MAP2K1: variants seen among roughly 807,000 people sequenced by gnomAD.
The protein encoded by MAP2K1 is dual specificity mitogen-activated protein kinase kinase 1.
A neutral mutation model predicts 46.3 loss-of-function variants in MAP2K1; 16 were observed. That is an observed-to-expected ratio of 0.35 (90% CI 0.23 to 0.52). The LOEUF is 0.52. Among genes scored for constraint, MAP2K1 ranks in the 20% least tolerant of loss-of-function variants. The probability of loss-of-function intolerance (pLI) is 0.94; values close to 1 mark genes in which losing one functional copy is unlikely to be tolerated. For missense variants in MAP2K1, 263 were observed against 497.1 expected, an observed-to-expected ratio of 0.53 and a Z score of 4.48; for synonymous variants, 183 against 185.6, an observed-to-expected ratio of 0.99 and a Z score of 0.11.
chr15:66,477,537 T>C (rs1397457248), intron 5 of MAP2K1, among the ~76,000 whole-genome samples: 1 of 152,230 alleles, frequency 6.6e-6, no homozygotes, highest in Non-Finnish European at 1.5e-5. Context: ...GCCGCCATTG[T>C]GACTGTTTCA....
intron 1 of MAP2K1, among the ~76,000 whole-genome samples, chr15:66,431,683 C>G (rs1368096938): frequency 1.3e-5 from 2 of 152,022 alleles, no homozygotes; most frequent in Non-Finnish European, 2.9e-5. Flanking sequence ...AAGAGAAATT[C>G]TTATTTTTTT....
In MAP2K1 at chr15:66,445,826, A is replaced by G. The variant is rs186542950; in HGVS notation, c.568+1119A>G. On this transcript the variant is annotated intron_variant, in intron 5 of 10. Transcript: ENST00000307102. ...GCCTTGAGGGGTCTAGGGAGAGATTAAAGGAGCATGAAGGAACTTTTTGGG... is the reference window on the plus strand; with the variant it reads ...GCCTTGAGGGGTCTAGGGAGAGATTGAAGGAGCATGAAGGAACTTTTTGGG... Among the ~76,000 whole-genome samples, 202 of 152,268 alleles carry G rather than the reference A, an allele frequency of 1.3e-3. 1 individual carries two copies. The highest frequency in any genetic ancestry group is 4.5e-3 in the African/African-American group (188 of 41,552).
chr15:66,489,679 G>C (rs372671912), intron 9 of MAP2K1, 39 bp from the exon 10 acceptor site: 1 of 1,531,216 alleles, frequency 6.5e-7, no homozygotes, highest in Admixed American at 1.7e-5. Context: ...TAGAACCAGT[G>C]CCAGGCAACA....
chr15:66,477,476 T>C (rs1177562687), intron 5 of MAP2K1, among the ~76,000 whole-genome samples: 1 of 152,198 alleles, frequency 6.6e-6, no homozygotes, highest in Admixed American at 6.5e-5. Flanking sequence ...GCTGCTTATA[T>C]GCCATGCCTT....
chr15:66,417,454 C>A (rs1185994171), intron 1 of MAP2K1, among the ~76,000 whole-genome samples: 1 of 152,022 alleles, frequency 6.6e-6, no homozygotes, highest in Admixed American at 6.6e-5. Flanking sequence ...TGCCTGTAGT[C>A]CAGTTACTTG....
intron 5 of MAP2K1, among the ~76,000 whole-genome samples, chr15:66,460,061 A>G (rs772699697): frequency 3.9e-5 from 6 of 152,176 alleles, no homozygotes; most frequent in Non-Finnish European, 8.8e-5. Context: ...TGGTATATAC[A>G]CAAGGTGCTC....
intron 5 of MAP2K1, chr15:66,453,419 G>A: frequency 1.4e-6 from 1 of 698,218 alleles, no homozygotes; most frequent in Non-Finnish European, 2.6e-6. Context: ...GGGCTGGCCT[G>A]GCTGCTCAGC....
At chr15:66,413,145 C>G (rs1209190043) in intron 1 of MAP2K1, among the ~76,000 whole-genome samples, 1 of 152,154 alleles carries the variant, frequency 6.6e-6, no homozygotes, top group Non-Finnish European at 1.5e-5. Context: ...ATCCACCTGC[C>G]TCGGCCTCCC....
At chr15:66,429,920 A>G (rs1363143891) in intron 1 of MAP2K1, among the ~76,000 whole-genome samples, 1 of 151,956 alleles carries the variant, frequency 6.6e-6, no homozygotes, top group African/African-American at 2.4e-5. Context: ...CTCAACTTGA[A>G]CACGCCCCCG....
intron 5 of MAP2K1, among the ~76,000 whole-genome samples, chr15:66,458,080 C>G (rs1436975021): frequency 6.6e-6 from 1 of 152,100 alleles, no homozygotes; most frequent in Non-Finnish European, 1.5e-5. Context: ...TTTTCCTGAT[C>G]CTGGAGCTCT....
chr15:66,447,623 G>A (rs1595867477), intron 5 of MAP2K1, among the ~76,000 whole-genome samples: 3 of 151,200 alleles, frequency 2.0e-5, no homozygotes, highest in East Asian at 1.9e-4. Context: ...CCTGGGGGGC[G>A]GAGGTTGCAG....
chr15:66,395,529 GT>G lies in MAP2K1; in HGVS notation c.80+8113del, dbSNP rs1030544369. Among the ~76,000 whole-genome samples, 400 of 140,586 alleles carry G rather than the reference GT, an allele frequency of 2.8e-3. 1 individual carries two copies. Among genetic ancestry groups the G allele is most frequent in the African/African-American group, 7.3e-3 (281 of 38,408 alleles). The allele number at this position is 140,586 out of a possible 152,430, so 92.2% of individuals were successfully genotyped here. A position where few individuals can be genotyped will look rare whatever the true frequency, so the allele number is the denominator to read the frequency against. The stretch of plus-strand genomic sequence containing the variant: ...ACATCTGTCTGGTCTTGCTGACATG[GT>G]TTTTTTTTTTGTCTGAAATGCCCTC... On this transcript the variant is annotated intron_variant, in intron 1 of 10. Transcript: ENST00000307102.
intron 2 of MAP2K1, 23 bp downstream of exon 2, chr15:66,435,260 G>A (rs1311211048): frequency 4.4e-6 from 7 of 1,588,244 alleles, no homozygotes; most frequent in Non-Finnish European, 6.1e-6. Context: ...TGATTAACAG[G>A]TAATTGGATT....
rs1409034916 is a variant in MAP2K1 at position 66,490,775 on chromosome 15, A to G, written c.*160A>G. 4.3e-6 allele frequency: 3 copies of G among 704,184 alleles called. No individual in the cohort carries two copies. In the East Asian group the frequency reaches 8.1e-5, roughly 19 times the overall value. The allele number at this position is 704,184 out of a possible 1,614,324, so 43.6% of individuals were successfully genotyped here. ...CAAGATTCTACTCTTGTCATTTTTA[A>G]TATTACTGTCTTTATTCTTATTACT... On this transcript the variant is annotated 3_prime_UTR_variant, in exon 11 of 11. Coordinates refer to ENST00000307102, the MANE Select transcript of MAP2K1 (RefSeq NM_002755.4).
intron 5 of MAP2K1, among the ~76,000 whole-genome samples, chr15:66,476,536 G>A (rs1892758714): frequency 6.6e-6 from 1 of 152,216 alleles, no homozygotes; most frequent in Non-Finnish European, 1.5e-5. Context: ...CACAAGAGAA[G>A]GCGAGACTCT....
intron 3 of MAP2K1, among the ~76,000 whole-genome samples, chr15:66,440,587 T>G (rs2093501093): frequency 1.3e-5 from 2 of 152,222 alleles, no homozygotes; most frequent in Admixed American, 1.3e-4. Flanking sequence ...GGAAGTAGAT[T>G]GCTGCTCAGG....
At chr15:66,443,082 ATTTTTTT>A (rs398027713) in intron 3 of MAP2K1, among the ~76,000 whole-genome samples, 191 bp from the exon 4 acceptor site, 119 of 91,060 alleles carry the variant, frequency 1.3e-3, no homozygotes, top group African/African-American at 5.2e-3. Context: ...TTGTGTGTGT[ATTTTTTT>A]TTTTTTTTTT....
chr15:66,445,905 A>G (rs1891855220), intron 5 of MAP2K1, among the ~76,000 whole-genome samples: 1 of 151,430 alleles, frequency 6.6e-6, no homozygotes, highest in East Asian at 1.9e-4. Context: ...ATCCACTTCT[A>G]TGTATTGACT....
At chr15:66,430,843 A>T (rs1207573001) in intron 1 of MAP2K1, among the ~76,000 whole-genome samples, 1 of 152,182 alleles carries the variant, frequency 6.6e-6, no homozygotes, top group African/African-American at 2.4e-5. Flanking sequence ...TGCCCATAGG[A>T]TTATCCTTTC....
Sources: gnomAD v4.1 joint callset for allele counts (sites outside exome capture counted in the v4.1 genomes callset) on GRCh38, gnomAD v4.1.1 for gene constraint, MANE v1.5 for transcripts, NCBI Gene and HGNC (gene_info 2026-07-23, HGNC 2026-07-21) for gene names.